Variants in MYH16 observed in about 807,000 individuals in gnomAD.
MYH16 encodes putative uncharacterized protein MYH16.
intron 18 of MYH16, among the ~76,000 whole-genome samples, chr7:99,267,991 G>A (rs1404944178): frequency 6.6e-6 from 1 of 152,174 alleles, no homozygotes; most frequent in Non-Finnish European, 1.5e-5. Context: ...CAGCATGCCT[G>A]TGCCTCTAAT....
At chr7:99,290,269 A>G (rs1792349468) in intron 30 of MYH16, among the ~76,000 whole-genome samples, 1 of 152,004 alleles carries the variant, frequency 6.6e-6, no homozygotes, top group Non-Finnish European at 1.5e-5. Flanking sequence ...GGATTACTTG[A>G]GGCCAGGAGT....
chr7:99,282,259 C>T (rs188036494), intron 23 of MYH16, among the ~76,000 whole-genome samples: 2 of 152,304 alleles, frequency 1.3e-5, no homozygotes, highest in East Asian at 3.9e-4. Flanking sequence ...CTCCTGACCT[C>T]AAGTGATCCT....
intron 20 of MYH16, among the ~76,000 whole-genome samples, chr7:99,277,305 A>G (rs1792127991): frequency 6.6e-6 from 1 of 152,102 alleles, no homozygotes; most frequent in Admixed American, 6.5e-5. Context: ...GCATCCTAAG[A>G]ATTGTCCTAG....
At chr7:99,267,802 C>T (rs1792002748) in intron 18 of MYH16, among the ~76,000 whole-genome samples, 1 of 152,208 alleles carries the variant, frequency 6.6e-6, no homozygotes, top group African/African-American at 2.4e-5. Context: ...AGGTGTCCTT[C>T]TATAGCCGCC....
exon 12 of MYH16, chr7:99,260,213 A>T: frequency 6.2e-7 from 1 of 1,610,916 alleles, no homozygotes. Flanking sequence ...GAGAAGCTGC[A>T]GCAGTTCTTC....
In MYH16 at chr7:99,294,517, A is replaced by G. The variant is rs540826677; in HGVS notation, n.4282+367A>G. Reference sequence around the variant, plus strand: ...CCCTGTCTCAAAAAAAAAAAAAAAAAAAAAAAAGAAAAAGAAAAAGAAAAA... The same window carrying G: ...CCCTGTCTCAAAAAAAAAAAAAAAAGAAAAAAAGAAAAAGAAAAAGAAAAA... On this transcript the variant is annotated intron_variant and non_coding_transcript_variant, in intron 33 of 41. Transcript: ENST00000439784. Among the ~76,000 whole-genome samples, 931 of 135,112 alleles carry G rather than the reference A, an allele frequency of 6.9e-3. 11 individuals carry two copies. Among genetic ancestry groups the G allele is most frequent in the African/African-American group, 0.026 (810 of 30,770 alleles). The allele number at this position is 135,112 out of a possible 152,430, so 88.6% of individuals were successfully genotyped here.
intron 29 of MYH16, among the ~76,000 whole-genome samples, chr7:99,288,792 T>C (rs1792324485): frequency 6.6e-6 from 1 of 151,306 alleles, no homozygotes. Context: ...AGCGCTACTG[T>C]GAGGGCTGCA....
chr7:99,242,057 C>T (rs188337156), intron 1 of MYH16, among the ~76,000 whole-genome samples: 20 of 152,222 alleles, frequency 1.3e-4, no homozygotes, highest in Admixed American at 9.8e-4. Flanking sequence ...GACAGGGTTT[C>T]GCCATTTTGG....
chr7:99,294,512 A>G (rs867583880), intron 33 of MYH16, among the ~76,000 whole-genome samples: 1 of 137,990 alleles, frequency 7.2e-6, no homozygotes. Flanking sequence ...AAAAAAAAAA[A>G]AAAAAAAAAA....
intron 40 of MYH16, among the ~76,000 whole-genome samples, 184 bp downstream of exon 21, chr7:99,304,940 C>A (rs893821569): frequency 6.6e-6 from 1 of 152,230 alleles, no homozygotes; most frequent in Non-Finnish European, 1.5e-5. Context: ...AATCCTAATA[C>A]TTTAGGAGGC....
At chr7:99,261,660 G>A (rs61172548) in intron 13 of MYH16, 1 of 153,064 alleles carries the variant, frequency 6.5e-6, no homozygotes, top group Non-Finnish European at 1.5e-5. Flanking sequence ...GGGTCCCTCT[G>A]TGTTTCAGGT....
chr7:99,287,889 C>A lies in MYH16; in HGVS notation n.3461-3C>A, dbSNP rs145243437. 3.0e-4 allele frequency: 138 copies of A among 454,948 alleles called. No individual in the cohort carries two copies. The highest frequency in any genetic ancestry group is 2.5e-3 in the African/African-American group (125 of 50,144). 28.2% of individuals were successfully genotyped at this position (454,948 alleles called of 1,614,324 possible). On this transcript the variant is annotated splice_polypyrimidine_tract_variant and splice_region_variant and intron_variant and non_coding_transcript_variant, in intron 28 of 41. Coordinates refer to ENST00000439784, the Ensembl canonical transcript of MYH16. Reference sequence around the variant, plus strand: ...CTGCTAAGCTGCTCCTCCTCTACCCCAGATCGAGCAGAACCGCAAGCGGGA... The same window carrying A: ...CTGCTAAGCTGCTCCTCCTCTACCCAAGATCGAGCAGAACCGCAAGCGGGA...
intron 18 of MYH16, chr7:99,270,847 G>A (rs1045002000): frequency 6.6e-6 from 1 of 152,120 alleles, no homozygotes; most frequent in Admixed American, 6.6e-5. Flanking sequence ...TCGCGCCACT[G>A]CACTCCAGCA....
intron 4 of MYH16, among the ~76,000 whole-genome samples, chr7:99,249,572 G>GTTTTT (rs1195632373): frequency 1.5e-4 from 17 of 116,746 alleles, no homozygotes; most frequent in South Asian, 3.4e-4. Flanking sequence ...GAAAAGTGCT[G>GTTTTT]TTTTTTTTTT....
intron 31 of MYH16, among the ~76,000 whole-genome samples, chr7:99,291,938 G>C (rs1325945651): frequency 1.3e-5 from 2 of 151,896 alleles, no homozygotes; most frequent in African/African-American, 4.8e-5. Context: ...AGTGAAACTC[G>C]GTCTCAGGAA....
intron 8 of MYH16, among the ~76,000 whole-genome samples, chr7:99,255,299 A>C (rs1401043569): frequency 6.6e-6 from 1 of 151,550 alleles, no homozygotes; most frequent in Non-Finnish European, 1.5e-5. Flanking sequence ...ATAAGTAACA[A>C]AAATTAGCCA....
At chr7:99,287,533 CAAAA>C (rs397889162) in intron 28 of MYH16, among the ~76,000 whole-genome samples, 81 of 46,896 alleles carry the variant, frequency 1.7e-3, no homozygotes, top group African/African-American at 5.0e-3. Flanking sequence ...AACTTCTTCT[CAAAA>C]AAAAAAAAAA....
In MYH16 at chr7:99,279,738, G is replaced by A; in HGVS notation, n.2887+1G>A. On this transcript the variant is annotated splice_donor_variant and non_coding_transcript_variant, in intron 22 of 41. Transcript: ENST00000439784. ...GGCCAAGACAGAGAAGGAGAAGCAGGTGAGGAGAGGCCGGGGCCCTGCCAC... is the reference window on the plus strand; with the variant it reads ...GGCCAAGACAGAGAAGGAGAAGCAGATGAGGAGAGGCCGGGGCCCTGCCAC... The A allele has an allele frequency of 2.2e-6, 1 of 455,024 alleles. No individual in the cohort carries two copies. Among genetic ancestry groups the A allele is most frequent in the South Asian group, 1.6e-5 (1 of 64,496 alleles). 28.2% of individuals were successfully genotyped at this position (455,024 alleles called of 1,614,324 possible). A position where few individuals can be genotyped will look rare whatever the true frequency, so the allele number is the denominator to read the frequency against.
intron 35 of MYH16, 36 bp downstream of exon 16, chr7:99,297,832 C>G (rs1792524926): frequency 4.4e-6 from 2 of 456,504 alleles, no homozygotes; most frequent in African/African-American, 4.0e-5. Context: ...GACTGTGGAC[C>G]CTTGGCCAGG....
Sources: gnomAD v4.1 joint callset for allele counts (sites outside exome capture counted in the v4.1 genomes callset) on GRCh38, gnomAD v4.1.1 for gene constraint, MANE v1.5 for transcripts, NCBI Gene and HGNC (gene_info 2026-07-23, HGNC 2026-07-21) for gene names.